The following CAPN2 variants were observed in gnomAD, a reference collection of about 807,000 sequenced individuals.
CAPN2 encodes the protein calpain-2 catalytic subunit.
A neutral mutation model predicts 102.3 loss-of-function variants in CAPN2; 92 were observed. The ratio of observed to expected loss-of-function variants is 0.90; its 90% CI spans 0.76 to 1.07. CAPN2 has a LOEUF of 1.07. Among genes scored for constraint, CAPN2 ranks in the 50% least tolerant of loss-of-function variants. CAPN2 has a pLI of 0.00. For synonymous variants in CAPN2, 340 were observed against 355.4 expected, an observed-to-expected ratio of 0.96 and a Z score of 0.49; for missense variants, 800 against 909.4, an observed-to-expected ratio of 0.88 and a Z score of 1.55.
intron 11 of CAPN2, chr1:223,757,876 G>GT (rs1661078938): frequency 1.6e-4 from 24 of 150,770 alleles, no homozygotes; most frequent in Non-Finnish European, 2.2e-4. Flanking sequence ...TGGTTTGTTT[G>GT]TTTGTTTTTT....
chr1:223,723,211 G>A lies in CAPN2; in HGVS notation c.307+5380G>A, dbSNP rs1191478143. ...TGCCTGTCGTCCCAGCTACTCGGGA[G>A]GCTGAAGCAGGAGGATCACTTGAGC... On this transcript the variant is annotated intron_variant, in intron 2 of 20. Transcript: ENST00000295006. Among the ~76,000 whole-genome samples, 6 of 152,278 alleles carry A rather than the reference G, an allele frequency of 3.9e-5. No homozygotes were observed. The East Asian group carries it at 1.2e-3, about 29-fold the overall frequency.
At chr1:223,762,997 A>AT (rs568030094) in intron 14 of CAPN2, among the ~76,000 whole-genome samples, 2 of 150,740 alleles carry the variant, frequency 1.3e-5, no homozygotes, top group African/African-American at 2.4e-5. Context: ...TAATTTTTAA[A>AT]TTTTTTTTAG....
At chr1:223,704,510 T>C (rs890108727) in intron 1 of CAPN2, among the ~76,000 whole-genome samples, 1 of 152,208 alleles carries the variant, frequency 6.6e-6, no homozygotes, top group Non-Finnish European at 1.5e-5. Flanking sequence ...GTTTTCCCTA[T>C]TCTACAGATG....
chr1:223,758,689 C>CTTTTT (rs1553255729), intron 11 of CAPN2: 4 of 146,726 alleles, frequency 2.7e-5, no homozygotes, highest in African/African-American at 8.1e-5. Context: ...AGAAAGTTTG[C>CTTTTT]TTTTTGTTTT....
At chr1:223,744,439 A>T (rs1660700539) in intron 3 of CAPN2, among the ~76,000 whole-genome samples, 1 of 152,172 alleles carries the variant, frequency 6.6e-6, no homozygotes, top group Admixed American at 6.5e-5. Context: ...TGGGACATGT[A>T]AAAGGGAGGT....
chr1:223,719,263 G>A lies in CAPN2; in HGVS notation c.307+1432G>A, dbSNP rs542224200. ...TTTAGAGAATCCAGAAACAGCCGGC[G>A]CAGTGGCTCACATCTGTAATCCCAG... On this transcript the variant is annotated intron_variant, in intron 2 of 20. Transcript: ENST00000295006. Among the ~76,000 whole-genome samples, 20 of 152,264 alleles carry A rather than the reference G, an allele frequency of 1.3e-4. No individual in the cohort carries two copies. The South Asian group carries it at 3.3e-3, about 25-fold the overall frequency.
upstream of CAPN2, among the ~76,000 whole-genome samples, chr1:223,708,475 A>G (rs993868101): frequency 6.6e-6 from 1 of 151,980 alleles, no homozygotes; most frequent in African/African-American, 2.4e-5. Context: ...AATAGAAAGA[A>G]AGACTATTGC....
At position 223,731,574 on chromosome 1, in the gene CAPN2, G is replaced by A. The variant is rs189123696; in HGVS notation, c.308-12526G>A. On this transcript the variant is annotated intron_variant, in intron 2 of 20. Coordinates refer to ENST00000295006, the MANE Select transcript of CAPN2 (RefSeq NM_001748.5). The surrounding 1 kb of genome is among the most constrained non-coding windows in gnomAD (Gnocchi z 4.2). ...CCAGTTTCCACGTCTGTCTCCTGCC[G>A]GCTGTGAGCTCACTGCCTCAGAACC... Among the ~76,000 whole-genome samples the A allele has an allele frequency of 1.2e-3, 180 of 152,274 alleles. No homozygotes were observed. The highest frequency in any genetic ancestry group is 4.0e-3 in the African/African-American group (165 of 41,556).
At chr1:223,747,935 C>T (rs970599051) in intron 5 of CAPN2, among the ~76,000 whole-genome samples, 1 of 152,176 alleles carries the variant, frequency 6.6e-6, no homozygotes, top group African/African-American at 2.4e-5. Flanking sequence ...GTCAAGCTGT[C>T]TGGGGTGTAA....
intron 9 of CAPN2, among the ~76,000 whole-genome samples, chr1:223,753,933 G>T (rs1364235034): frequency 6.6e-6 from 1 of 152,036 alleles, no homozygotes; most frequent in African/African-American, 2.4e-5. Context: ...AACACTTCTG[G>T]CCCCAGGAAT....
intron 1 of CAPN2, among the ~76,000 whole-genome samples, chr1:223,716,124 T>TG (rs28370017): frequency 0.08 from 12,159 of 152,318 alleles, 598 homozygotes; most frequent in Non-Finnish European, 0.11. Flanking sequence ...TTTCACTGAC[T>TG]GGTAAGACCC....
At chr1:223,737,666 C>T (rs1477720437) in intron 2 of CAPN2, among the ~76,000 whole-genome samples, 1 of 124,238 alleles carries the variant, frequency 8.0e-6, no homozygotes, top group Non-Finnish European at 1.5e-5. Flanking sequence ...TGCCTTACCT[C>T]ATTCCACAGA....
intron 20 of CAPN2, among the ~76,000 whole-genome samples, chr1:223,773,866 T>A (rs1042401360): frequency 1.3e-5 from 2 of 150,346 alleles, no homozygotes; most frequent in African/African-American, 4.9e-5. Context: ...CAGAAAAAAA[T>A]AAATAAAAAA....
chr1:223,771,915 A>G lies in CAPN2; in HGVS notation c.2010A>G (p.Glu670=). 1 of 1,609,454 alleles carries G rather than the reference A, an allele frequency of 6.2e-7. No homozygotes were observed. Among genetic ancestry groups the G allele is most frequent in the East Asian group, 2.2e-5 (1 of 44,862 alleles). ...TTGTTCGGTGTTTGGTTCGGCTGGAAACGCTATTCAGTAAGTGGATATTTG... is the reference window on the plus strand; with the variant it reads ...TTGTTCGGTGTTTGGTTCGGCTGGAGACGCTATTCAGTAAGTGGATATTTG... ...DNFVRCLVRL[E]TLFKIFKQLD... is the part of the protein sequence containing the mutation. Residue 670 remains glutamate (E), a synonymous_variant, in exon 19 of 21, where the codon GAA becomes GAG. Coordinates refer to ENST00000295006, the MANE Select transcript of CAPN2 (RefSeq NM_001748.5).
At chr1:223,705,560 C>G (rs1395384089) in intron 1 of CAPN2, among the ~76,000 whole-genome samples, 1 of 152,146 alleles carries the variant, frequency 6.6e-6, no homozygotes, top group Non-Finnish European at 1.5e-5. Context: ...GTAGCTGTTT[C>G]TGCTTAGTAA....
intron 5 of CAPN2, among the ~76,000 whole-genome samples, chr1:223,747,461 G>A (rs527497927): frequency 6.6e-6 from 1 of 152,314 alleles, no homozygotes; most frequent in South Asian, 2.1e-4. Flanking sequence ...TCCTCTTAGG[G>A]GAAGGGAGAT....
intron 2 of CAPN2, among the ~76,000 whole-genome samples, chr1:223,720,651 T>C (rs1181571500): frequency 6.6e-6 from 1 of 152,022 alleles, no homozygotes; most frequent in East Asian, 1.9e-4. Flanking sequence ...GAAGGAGTAA[T>C]AACAGTACCC....
At chr1:223,712,494 G>A (rs1571776841), upstream of CAPN2, 2 of 1,192,050 alleles carry the variant, frequency 1.7e-6, no homozygotes, top group Non-Finnish European at 2.1e-6. Context: ...CGCGGGCCGG[G>A]CCGCTTCCCT....
chr1:223,723,157 C>T (rs899447354), intron 2 of CAPN2, among the ~76,000 whole-genome samples: 9 of 152,112 alleles, frequency 5.9e-5, no homozygotes, highest in African/African-American at 2.2e-4. Context: ...TCTGTCTCTA[C>T]AAAAAAATTA....
Sources: allele counts gnomAD v4.1 joint callset (sites outside exome capture counted in the v4.1 genomes callset), GRCh38; gene constraint gnomAD v4.1.1; non-coding constraint Gnocchi (gnomAD v3.1); transcripts MANE v1.5; gene names NCBI Gene and HGNC (gene_info 2026-07-23, HGNC 2026-07-21).